The following ZAN variants were observed in gnomAD, a reference collection of about 807,000 sequenced individuals.
ZAN encodes zonadhesin.
A neutral mutation model predicts 286.2 loss-of-function variants in ZAN; 260 were observed. That is an observed-to-expected ratio of 0.91 (90% CI 0.82 to 1.01). The LOEUF (loss-of-function observed/expected upper bound fraction) is 1.01. Among genes scored for constraint, ZAN ranks in the 50% least tolerant of loss-of-function variants. ZAN has a pLI of 0.00. For synonymous variants in ZAN, 1,368 were observed against 1,417.5 expected (o/e 0.97, Z 0.79); for missense variants, 3,410 against 3,639.2 (o/e 0.94, Z 1.62).
rs775125571 is a variant in ZAN at position 100,791,088 on chromosome 7, G to A, written c.7504G>A (p.Glu2502Lys). Residue 2502 changes from glutamate to lysine, a missense_variant, in exon 40 of 48, where the codon GAG becomes AAG. This residue lies in a region of ZAN where 1,289 missense variants were observed against 1,314.3 expected (regional missense o/e 0.98). Transcript: ENST00000613979. ...TGGCAACAGCTGGGAGGTGAAGACC[G>A]AGGACGCACTCCTGCGCTTCCCCAG... The part of the protein sequence containing the change: ...TFGNSWEVKT[E>K]DALLRFPRAI... 8 of 1,612,472 alleles carry A rather than the reference G, an allele frequency of 5.0e-6. No homozygotes were observed. The Admixed American group carries it at 6.7e-5, about 13-fold the overall frequency.
chr7:100,758,460 G>A, intron 16 of ZAN, 71 bp from the exon 17 acceptor site: 1 of 1,554,958 alleles, frequency 6.4e-7, no homozygotes, highest in Non-Finnish European at 8.7e-7. Flanking sequence ...GGCAGCGGGT[G>A]GGCCAGCATG....
rs1369239920 is a variant in ZAN, at chr7:100,790,915, C to G, written c.7358-27C>G. The G allele has an allele frequency of 4.0e-6, 6 of 1,502,922 alleles. No individual in the cohort carries two copies. The African/African-American group carries it at 8.5e-5, about 21-fold the overall frequency. The allele number at this position is 1,502,922 out of a possible 1,614,324, so 93.1% of individuals were successfully genotyped here. A position where few individuals can be genotyped will look rare whatever the true frequency, so the allele number is the denominator to read the frequency against. ...AAAAAAAAAAGAGTGAGGAGTCTCA[C>G]TTCTGGGGACCCCCTTCCTCCCGCA... On this transcript the variant is annotated intron_variant, in intron 39 of 47. Coordinates refer to ENST00000613979, the MANE Select transcript of ZAN (RefSeq NM_003386.3).
At chr7:100,788,889 T>G (rs755242449) in intron 38 of ZAN, among the ~76,000 whole-genome samples, 1 of 151,926 alleles carries the variant, frequency 6.6e-6, no homozygotes, top group Non-Finnish European at 1.5e-5. Flanking sequence ...AGTAGAGACG[T>G]GGTTTCCCCA....
At position 100,735,598 on chromosome 7, in the gene ZAN, C is replaced by T. The variant is rs1225582070; in HGVS notation, c.54-122C>T. On this transcript the variant is annotated intron_variant, in intron 2 of 47. Coordinates refer to ENST00000613979, the MANE Select transcript of ZAN (RefSeq NM_003386.3). Reference sequence around the variant, plus strand: ...AAAAGAAAAAAAGTCAAGTCAGACACATTCACTGCATAAACACTGATCATC... The same window carrying T: ...AAAAGAAAAAAAGTCAAGTCAGACATATTCACTGCATAAACACTGATCATC... 20 of 715,640 alleles carry T rather than the reference C, an allele frequency of 2.8e-5. 4 individuals are homozygous for T. The highest frequency in any genetic ancestry group is 4.2e-5 in the Non-Finnish European group (19 of 449,218). The allele number at this position is 715,640 out of a possible 1,614,324, so 44.3% of individuals were successfully genotyped here.
At chr7:100,780,125 G>A (rs1175175463) in intron 35 of ZAN, among the ~76,000 whole-genome samples, 3 of 151,660 alleles carry the variant, frequency 2.0e-5, no homozygotes, top group Non-Finnish European at 2.9e-5. Context: ...CCTGGGAGGC[G>A]GAGGTTGTAG....
chr7:100,746,493 C>T, intron 7 of ZAN, 45 bp from the exon 8 acceptor site: 1 of 1,605,344 alleles, frequency 6.2e-7, no homozygotes, highest in East Asian at 2.2e-5. Flanking sequence ...CTGCCATCTT[C>T]CCTCAATTCC....
Position 100,792,098 on chromosome 7 carries a change from GGGCCCCTTTGCTGCCTGTC to G in ZAN, c.7663_7681del (p.Gly2555ThrfsTer108). 6.2e-7 allele frequency: 1 copy of G among 1,612,818 alleles called. No homozygotes were observed. The highest frequency in any genetic ancestry group is 8.5e-7 in the Non-Finnish European group (1 of 1,179,700). ...CCTGTAGGGTGCTGGCAGACCCCCAGGGCCCCTTTGCTGCCTGTCACCAGACGGTGGCCCCAGAGCCCTT... is the reference window on the plus strand; with the variant it reads ...CCTGTAGGGTGCTGGCAGACCCCCAGACCAGACGGTGGCCCCAGAGCCCTT... On this transcript the variant is annotated frameshift_variant, in exon 41 of 48. Coordinates refer to ENST00000613979, the MANE Select transcript of ZAN (RefSeq NM_003386.3). LOFTEE classifies it high-confidence loss of function.
rs542137 is a variant in ZAN at position 100,775,455 on chromosome 7, C to G, written c.5907C>G (p.Phe1969Leu). The G allele has an allele frequency of 0.39, 621,413 of 1,613,614 alleles. 128,149 individuals are homozygous for G. The highest frequency in any genetic ancestry group is 0.81 in the East Asian group (36,541 of 44,838). The change falls in exon 32 of 48, where the codon TTC (phenylalanine) becomes TTG (leucine). Residue 1969 changes from phenylalanine (F) to leucine (L), a missense_variant. By Grantham distance (22) the Phe-to-Leu change is conservative. Coordinates refer to ENST00000613979, the MANE Select transcript of ZAN (RefSeq NM_003386.3). Reference sequence around the variant, plus strand: ...GCCACCCCGCCATGGCCTTGCCCTTCTTCAAGATCAGTGCCAAGCATGAGA... The same window carrying G: ...GCCACCCCGCCATGGCCTTGCCCTTGTTCAAGATCAGTGCCAAGCATGAGA... ...KVCHPAMALPFFKISAKHEKE... is the reference protein window; with the variant it reads ...KVCHPAMALPLFKISAKHEKE...
At position 100,791,967 on chromosome 7, in the gene ZAN, G is replaced by T. The variant is rs528188562; in HGVS notation, c.7531G>T (p.Ala2511Ser). 33 of 1,611,718 alleles carry T rather than the reference G, an allele frequency of 2.0e-5. No homozygotes were observed. In the African/African-American group the frequency reaches 4.4e-4, roughly 21 times the overall value. ...ACCCCGTGGCTGTCTCTACTGCAGG[G>T]CTATACCAGCGGAGGAGGAGGGACA... ...TEDALLRFPR[A>S]IPAEEEGQGA... The change falls in exon 41 of 48, where the codon GCT (alanine) becomes TCT (serine). Residue 2511 changes from alanine (A) to serine (S), a missense_variant and splice_region_variant. Ala to Ser is a moderately conservative substitution (Grantham distance 99). Transcript: ENST00000613979.
chr7:100,789,289 G>A lies in ZAN; in HGVS notation c.7299G>A (p.Arg2433=), dbSNP rs753049859. The A allele has an allele frequency of 3.7e-6, 6 of 1,613,810 alleles. No homozygotes were observed. In the African/African-American group the frequency reaches 6.7e-5, roughly 18 times the overall value. ...EHLRVTLWGQ[R]LYLVTDFELV... is the part of the protein sequence containing the mutation. Reference sequence around the variant, plus strand: ...TGCGGGTCACCCTGTGGGGCCAACGGCTCTACCTGGTCACCGACTTTGAGC... The same window carrying A: ...TGCGGGTCACCCTGTGGGGCCAACGACTCTACCTGGTCACCGACTTTGAGC... The change falls in exon 39 of 48, where the codon CGG becomes CGA. Residue 2433 remains arginine (R), a synonymous_variant. Coordinates refer to ENST00000613979, the MANE Select transcript of ZAN (RefSeq NM_003386.3).
At chr7:100,781,021 AT>A (rs1244812660) in intron 35 of ZAN, among the ~76,000 whole-genome samples, 1 of 151,930 alleles carries the variant, frequency 6.6e-6, no homozygotes, top group Admixed American at 6.6e-5. Flanking sequence ...ACGTCTTATT[AT>A]TTTTTTGCCA....
intron 27 of ZAN, 22 bp downstream of exon 27, chr7:100,768,743 C>A: frequency 1.9e-6 from 3 of 1,566,246 alleles, no homozygotes; most frequent in South Asian, 1.2e-5. Flanking sequence ...GTCAGGGGAG[C>A]CAGGCAGGAG....
chr7:100,749,545 C>G (rs1197695034), intron 11 of ZAN, among the ~76,000 whole-genome samples: 5 of 150,370 alleles, frequency 3.3e-5, no homozygotes, highest in Non-Finnish European at 7.4e-5. Flanking sequence ...GAGGCTGAGG[C>G]AGGAGAATGG....
In ZAN at chr7:100,763,889, G is replaced by T; in HGVS notation, c.4070G>T (p.Arg1357Leu). The T allele has an allele frequency of 6.2e-7, 1 of 1,613,998 alleles. No homozygotes were observed. Among genetic ancestry groups the T allele is most frequent in the Non-Finnish European group, 8.5e-7 (1 of 1,179,890 alleles). Residue 1357 changes from arginine (R) to leucine (L), a missense_variant, in exon 21 of 48, where the codon CGG becomes CTG. Arg to Leu is a moderately radical substitution (Grantham distance 102). Transcript: ENST00000613979. The surrounding 1 kb of genome is among the most constrained non-coding windows in gnomAD (Gnocchi z 4.6). Reference sequence around the variant, plus strand: ...ATGTCGGGGCCAGGGTTCTGTGGACGGCTGGTCGACACTCATGGCCCATTT... The same window carrying T: ...ATGTCGGGGCCAGGGTTCTGTGGACTGCTGGTCGACACTCATGGCCCATTT... Reference protein sequence around the residue: ...SSMSGPGFCGRLVDTHGPFET... With the variant: ...SSMSGPGFCGLLVDTHGPFET...
At chr7:100,756,854 C>T (rs1048811684) in intron 15 of ZAN, among the ~76,000 whole-genome samples, 5 of 152,276 alleles carry the variant, frequency 3.3e-5, no homozygotes, top group Non-Finnish European at 5.9e-5. Context: ...CTGCAACCTC[C>T]GCTTCCCAGG....
At position 100,752,246 on chromosome 7, in the gene ZAN, C is replaced by T. The variant is rs754197646; in HGVS notation, c.2141C>T (p.Pro714Leu). 6.2e-7 allele frequency: 1 copy of T among 1,609,558 alleles called. No homozygotes were observed. Among genetic ancestry groups the T allele is most frequent in the South Asian group, 1.1e-5 (1 of 90,896 alleles). ...IISTEKPTIS[P>L]EKPTIPTEKP... ...TCCACAGAAAAACCCACCATCTCCC[C>T]AGAAAAACCCACCATCCCCACAGAA... Residue 714 changes from proline (P) to leucine (L), a missense_variant, in exon 14 of 48, where the codon CCA (proline) becomes CTA (leucine). Physicochemically the swap from Pro to Leu is moderately conservative, Grantham distance 98. Coordinates refer to ENST00000613979, the MANE Select transcript of ZAN (RefSeq NM_003386.3).
Position 100,755,326 on chromosome 7 carries a change from C to T in ZAN, c.3225C>T (p.Val1075=). The change falls in exon 15 of 48, where the codon GTC becomes GTT. Residue 1075 remains valine, a synonymous_variant. Transcript: ENST00000613979. ...GGCCCCTCTGTCGGGAGGGCTGTGT[C>T]TGCAACCCTGGCTTTTTGTTTAGTG... The part of the protein sequence containing the change: ...SCGPLCREGC[V]CNPGFLFSDN... 6.2e-7 allele frequency: 1 copy of T among 1,613,912 alleles called. No homozygotes were observed. Among genetic ancestry groups the T allele is most frequent in the Non-Finnish European group, 8.5e-7 (1 of 1,179,882 alleles).
intron 35 of ZAN, among the ~76,000 whole-genome samples, chr7:100,780,801 T>C (rs1275825763): frequency 6.6e-6 from 1 of 152,012 alleles, no homozygotes; most frequent in Non-Finnish European, 1.5e-5. Flanking sequence ...TTCAAATTTA[T>C]ATTCGTGGCT....
chr7:100,775,914 C>T lies in ZAN; in HGVS notation c.6192+81C>T, dbSNP rs58910156. 22,749 of 1,542,830 alleles carry T rather than the reference C, an allele frequency of 0.015. 1,842 individuals carry two copies. In the African/African-American group the frequency reaches 0.21, roughly 14 times the overall value. On this transcript the variant is annotated intron_variant, in intron 33 of 47. Transcript: ENST00000613979. ...GCCGGCAGGGATGGGGGGCAGTGTT[C>T]GCATCGTGCCTGCCCAAAGAGGCCA...
Sources: gnomAD v4.1 joint callset for allele counts (sites outside exome capture counted in the v4.1 genomes callset) on GRCh38, gnomAD v4.1.1 for gene constraint, gnomAD v4.1.1 regional missense constraint, Gnocchi (gnomAD v3.1) non-coding constraint, MANE v1.5 for transcripts, NCBI Gene and HGNC (gene_info 2026-07-23, HGNC 2026-07-21) for gene names.